The following RIGI variants were observed in gnomAD, a reference collection of about 807,000 sequenced individuals.
RIGI encodes the protein RNA sensor RIG-I.
At chr9:32,516,402 C>T in the RIGI span, among the ~76,000 whole-genome samples, 1 of 152,124 alleles carries the variant, frequency 6.6e-6, no homozygotes, top group African/African-American at 2.4e-5. Context: ...TAGGCCAAAC[C>T]CCTGGTGCTT....
At chr9:32,491,555 C>T in the RIGI span, 1 of 636,590 alleles carries the variant, frequency 1.6e-6, no homozygotes, top group Non-Finnish European at 2.6e-6. Flanking sequence ...TCCCCTTCAC[C>T]TTTTAAAACA....
At chr9:32,501,613 A>T in the RIGI span, among the ~76,000 whole-genome samples, 1 of 152,152 alleles carries the variant, frequency 6.6e-6, no homozygotes, top group Non-Finnish European at 1.5e-5. Context: ...TTTGTACACT[A>T]ATTTCATGCC....
chr9:32,488,390 AT>A, the RIGI span, among the ~76,000 whole-genome samples: 1 of 152,230 alleles, frequency 6.6e-6, no homozygotes, highest in South Asian at 2.1e-4. Context: ...GCTAGTTGTA[AT>A]TTATAGTACT....
the RIGI span, chr9:32,488,786 G>A: frequency 6.2e-7 from 1 of 1,612,974 alleles, no homozygotes; most frequent in Non-Finnish European, 8.5e-7. Flanking sequence ...TCATACACTG[G>A]GATCTGATTC....
chr9:32,498,777 G>A, the RIGI span, among the ~76,000 whole-genome samples: 1 of 152,046 alleles, frequency 6.6e-6, no homozygotes, highest in Non-Finnish European at 1.5e-5. Context: ...GAGGTCAGGA[G>A]TTGGAGGCCA....
the RIGI span, among the ~76,000 whole-genome samples, chr9:32,525,903 A>G: frequency 3.3e-5 from 5 of 152,082 alleles, no homozygotes; most frequent in African/African-American, 7.3e-5. Flanking sequence ...GGGCTCCTCA[A>G]ACTCTGGCAA....
the RIGI span, chr9:32,489,287 A>C: frequency 1.5e-6 from 2 of 1,299,264 alleles, no homozygotes; most frequent in Non-Finnish European, 2.2e-6. Context: ...AGTATTCAAC[A>C]AAAGAAAAAA....
the RIGI span, among the ~76,000 whole-genome samples, chr9:32,501,819 TGAAG>T: frequency 6.6e-6 from 1 of 152,196 alleles, no homozygotes; most frequent in South Asian, 2.1e-4. Flanking sequence ...GTTTAATGAA[TGAAG>T]GAAGAGAAGA....
the RIGI span, among the ~76,000 whole-genome samples, chr9:32,468,258 C>T: frequency 6.6e-6 from 1 of 152,214 alleles, no homozygotes. Context: ...AATTGTAACA[C>T]CTTTACATGT....
At chr9:32,466,380 T>A in the RIGI span, 2 of 1,613,952 alleles carry the variant, frequency 1.2e-6, no homozygotes, top group Non-Finnish European at 1.7e-6. Context: ...TTTGTTCTTT[T>A]TCAATTACAC....
At chr9:32,499,311 G>GTTTTTTTTTTTTTTT in the RIGI span, among the ~76,000 whole-genome samples, 5 of 81,128 alleles carry the variant, frequency 6.2e-5, no homozygotes, top group Non-Finnish European at 6.9e-5. Context: ...CAGAGTTTGT[G>GTTTTTTTTTTTTTTT]ATTTGTTTTT....
the RIGI span, among the ~76,000 whole-genome samples, chr9:32,512,252 A>G: frequency 4.6e-5 from 7 of 152,224 alleles, no homozygotes; most frequent in African/African-American, 9.6e-5. Context: ...AAAACCTGGC[A>G]GAGGCAAAAC....
At chr9:32,477,786 G>A in the RIGI span, among the ~76,000 whole-genome samples, 57 of 152,002 alleles carry the variant, frequency 3.7e-4, no homozygotes, top group Non-Finnish European at 6.9e-4. Context: ...TTAGCCAGGC[G>A]TGGTGATGGG....
At chr9:32,501,455 T>C in the RIGI span, among the ~76,000 whole-genome samples, 1 of 152,058 alleles carries the variant, frequency 6.6e-6, no homozygotes, top group Non-Finnish European at 1.5e-5. Flanking sequence ...CCGTAAGCTA[T>C]GGTGGCATCA....
the RIGI span, among the ~76,000 whole-genome samples, chr9:32,476,640 A>C: frequency 6.6e-6 from 1 of 151,740 alleles, no homozygotes; most frequent in African/African-American, 2.4e-5. Flanking sequence ...CGTAGAGAGA[A>C]AACGGCTTTT....
chr9:32,520,245 T>C, the RIGI span, among the ~76,000 whole-genome samples: 2 of 152,068 alleles, frequency 1.3e-5, no homozygotes, highest in South Asian at 2.1e-4. Flanking sequence ...AGCAGATAAA[T>C]GCAAGGAGTA....
At chr9:32,472,161 A>C in the RIGI span, among the ~76,000 whole-genome samples, 1 of 152,198 alleles carries the variant, frequency 6.6e-6, no homozygotes, top group East Asian at 1.9e-4. Context: ...AAATTGTAAA[A>C]TACATAATAT....
the RIGI span, chr9:32,487,796 A>C: frequency 7.8e-7 from 1 of 1,277,376 alleles, no homozygotes; most frequent in Non-Finnish European, 1.1e-6. Flanking sequence ...TAAGTGAACA[A>C]ATGAATAAAG....
At chr9:32,513,459 C>CCT in the RIGI span, among the ~76,000 whole-genome samples, 13 of 152,066 alleles carry the variant, frequency 8.5e-5, no homozygotes, top group African/African-American at 3.1e-4. Flanking sequence ...ACAACCCTGA[C>CCT]AAAAAGAAGC....
Sources: allele counts gnomAD v4.1 joint callset (sites outside exome capture counted in the v4.1 genomes callset), GRCh38; gene constraint gnomAD v4.1.1; transcripts MANE v1.5; gene names NCBI Gene and HGNC (gene_info 2026-07-23, HGNC 2026-07-21).